Variants in ANKRD18A observed in about 807,000 individuals in gnomAD.
ANKRD18A encodes ankyrin repeat domain 18A.
ANKRD18A carries 72 observed loss-of-function variants against 110.6 expected under a neutral mutation model. The ratio of observed to expected loss-of-function variants is 0.65; its 90% CI spans 0.54 to 0.79. The LOEUF (loss-of-function observed/expected upper bound fraction) is 0.79, where lower values mean the gene tolerates loss of function less well. Among genes scored for constraint, ANKRD18A ranks in the 30% least tolerant of loss-of-function variants. The pLI, the probability that ANKRD18A is intolerant of heterozygous loss-of-function variation, is 0.00. For missense variants in ANKRD18A, 934 were observed against 1,163.3 expected, an observed-to-expected ratio of 0.80 and a Z score of 2.87; for synonymous variants, 305 against 410.3, an observed-to-expected ratio of 0.74 and a Z score of 3.10.
intron 4 of ANKRD18A, 47 bp downstream of exon 4, chr9:38,611,168 C>A (rs749034233): frequency 8.7e-5 from 132 of 1,516,880 alleles, no homozygotes; most frequent in Non-Finnish European, 1.1e-4. Context: ...CTCTAGAACA[C>A]TCAGGTTTTT....
intron 11 of ANKRD18A, among the ~76,000 whole-genome samples, chr9:38,586,853 C>T (rs1451473782): frequency 6.6e-6 from 1 of 152,062 alleles, no homozygotes; most frequent in African/African-American, 2.4e-5. Context: ...CATGAGCCAC[C>T]ACACCTGGCC....
Position 38,571,393 on chromosome 9 carries a change from C to A in ANKRD18A, c.*652G>T. On this transcript the variant is annotated 3_prime_UTR_variant, in exon 16 of 16. Coordinates refer to ENST00000399703, the MANE Select transcript of ANKRD18A (RefSeq NM_147195.4). ...CCTTTATTTATTGGTTTTATTTCTCCATGTAGAACAAAGAAGAAAATAAGA... is the reference window on the plus strand; with the variant it reads ...CCTTTATTTATTGGTTTTATTTCTCAATGTAGAACAAAGAAGAAAATAAGA... 1.5e-6 allele frequency: 1 copy of A among 683,552 alleles called. No homozygotes were observed. Among genetic ancestry groups the A allele is most frequent in the Non-Finnish European group, 2.1e-6 (1 of 480,660 alleles). 42.3% of individuals were successfully genotyped at this position (683,552 alleles called of 1,614,324 possible). A position where few individuals can be genotyped will look rare whatever the true frequency, so the allele number is the denominator to read the frequency against.
rs1321763359 is a variant in ANKRD18A at position 38,577,316 on chromosome 9, A to G, written c.2530-52T>C. 9 of 1,488,644 alleles carry G rather than the reference A, an allele frequency of 6.0e-6. No homozygotes were observed. The East Asian group carries it at 1.7e-4, about 29-fold the overall frequency. 92.2% of individuals were successfully genotyped at this position (1,488,644 alleles called of 1,614,324 possible). A position where few individuals can be genotyped will look rare whatever the true frequency, so the allele number is the denominator to read the frequency against. On this transcript the variant is annotated intron_variant, in intron 13 of 15. Transcript: ENST00000399703. The stretch of plus-strand genomic sequence containing the variant: ...TTAAAACAATTATAAGTTAATTACC[A>G]TAGGTTTGTTGCCTTTCATTTTGAA...
Position 38,606,563 on chromosome 9 carries a change from G to A in ANKRD18A, c.808+863C>T, listed in dbSNP as rs544648456. On this transcript the variant is annotated intron_variant, in intron 6 of 15. Coordinates refer to ENST00000399703, the MANE Select transcript of ANKRD18A (RefSeq NM_147195.4). Reference sequence around the variant, plus strand: ...ATAATAATGCAACACATACAAATACGTGTTCACTGACTGTTCATGTTATCA... The same window carrying A: ...ATAATAATGCAACACATACAAATACATGTTCACTGACTGTTCATGTTATCA... Among the ~76,000 whole-genome samples, 217 of 152,090 alleles carry A rather than the reference G, an allele frequency of 1.4e-3. 1 individual carries two copies. The Middle Eastern group carries it at 0.024, about 17-fold the overall frequency.
At chr9:38,614,624 C>G (rs575326802) in intron 3 of ANKRD18A, among the ~76,000 whole-genome samples, 1 of 152,238 alleles carries the variant, frequency 6.6e-6, no homozygotes, top group East Asian at 1.9e-4. Flanking sequence ...ATCTCTCACC[C>G]ACATGGCCAA....
chr9:38,605,976 AAC>A (rs1398776498), intron 6 of ANKRD18A, among the ~76,000 whole-genome samples: 1 of 152,190 alleles, frequency 6.6e-6, no homozygotes, highest in Non-Finnish European at 1.5e-5. Flanking sequence ...CACATAAAAA[AAC>A]ACAGCTTGTT....
intron 1 of ANKRD18A, among the ~76,000 whole-genome samples, chr9:38,618,151 T>A (rs1825934499): frequency 6.6e-6 from 1 of 152,166 alleles, no homozygotes; most frequent in African/African-American, 2.4e-5. Flanking sequence ...TTTTTATCTG[T>A]TCAAGAGTCA....
intron 1 of ANKRD18A, among the ~76,000 whole-genome samples, chr9:38,619,808 GA>G (rs1826008865): frequency 6.6e-6 from 1 of 152,184 alleles, no homozygotes; most frequent in South Asian, 2.1e-4. Context: ...TTTGACAGGG[GA>G]ATGAGTTCTC....
At chr9:38,573,424 G>A (rs940781517) in intron 15 of ANKRD18A, among the ~76,000 whole-genome samples, 7 of 152,102 alleles carry the variant, frequency 4.6e-5, no homozygotes, top group South Asian at 2.1e-4. Flanking sequence ...TTTGTACAAA[G>A]GTTAAACAAT....
At chr9:38,569,477 A>G, downstream of ANKRD18A, 18 of 911,294 alleles carry the variant, frequency 2.0e-5, no homozygotes, top group Non-Finnish European at 2.3e-5. Context: ...CCACTCACAG[A>G]GACTGCTGCG....
At chr9:38,590,669 C>T (rs2024222860) in intron 10 of ANKRD18A, among the ~76,000 whole-genome samples, 1 of 152,086 alleles carries the variant, frequency 6.6e-6, no homozygotes, top group Non-Finnish European at 1.5e-5. Context: ...ACATCTTGTT[C>T]TAAAGTTCCT....
intron 8 of ANKRD18A, among the ~76,000 whole-genome samples, chr9:38,599,977 T>G (rs1825053503): frequency 6.6e-6 from 1 of 152,144 alleles, no homozygotes; most frequent in Non-Finnish European, 1.5e-5. Flanking sequence ...TCTGACAGGG[T>G]GCATGTTTTA....
intron 12 of ANKRD18A, among the ~76,000 whole-genome samples, chr9:38,578,736 T>C (rs1266240532): frequency 2.0e-5 from 3 of 152,034 alleles, no homozygotes; most frequent in African/African-American, 7.2e-5. Context: ...TTTAAAAAAT[T>C]AGCCAGGCAT....
intron 12 of ANKRD18A, among the ~76,000 whole-genome samples, chr9:38,583,465 C>T (rs1490052440): frequency 6.6e-6 from 1 of 152,138 alleles, no homozygotes; most frequent in East Asian, 1.9e-4. Flanking sequence ...CTCACTGCAA[C>T]CTCTGCCTCC....
chr9:38,615,883 A>G, intron 2 of ANKRD18A, 47 bp downstream of exon 2: 1 of 1,529,048 alleles, frequency 6.5e-7, no homozygotes, highest in Non-Finnish European at 8.8e-7. Context: ...AATTCTATGT[A>G]TTTAAATCAA....
chr9:38,585,523 G>A (rs2118710783), intron 12 of ANKRD18A, among the ~76,000 whole-genome samples: 1 of 152,256 alleles, frequency 6.6e-6, no homozygotes, highest in South Asian at 2.1e-4. Flanking sequence ...GAGCTCTTGA[G>A]ATTGGGTAAT....
chr9:38,591,966 T>C (rs140547973), intron 10 of ANKRD18A, among the ~76,000 whole-genome samples: 47 of 152,328 alleles, frequency 3.1e-4, no homozygotes, highest in East Asian at 1.7e-3. Context: ...ATTAAGGAGC[T>C]GTGCTGTCCT....
chr9:38,582,797 T>A (rs1824219666), intron 12 of ANKRD18A, among the ~76,000 whole-genome samples: 1 of 152,166 alleles, frequency 6.6e-6, no homozygotes, highest in South Asian at 2.1e-4. Flanking sequence ...TAGCTATGAC[T>A]CCAAAGGAAA....
intron 15 of ANKRD18A, among the ~76,000 whole-genome samples, chr9:38,573,391 A>T (rs1212834984): frequency 6.6e-6 from 1 of 152,214 alleles, no homozygotes; most frequent in Non-Finnish European, 1.5e-5. Context: ...GGATATACAT[A>T]ATTTTAGAAA....
Sources: gnomAD v4.1 joint callset for allele counts (sites outside exome capture counted in the v4.1 genomes callset) on GRCh38, gnomAD v4.1.1 for gene constraint, MANE v1.5 for transcripts, NCBI Gene and HGNC (gene_info 2026-07-23, HGNC 2026-07-21) for gene names.